The following DLC1 variants were observed in gnomAD, a reference collection of about 807,000 sequenced individuals.
The protein encoded by DLC1 is DLC1 Rho GTPase activating protein, also known as rho GTPase-activating protein 7.
A neutral mutation model predicts 140.3 loss-of-function variants in DLC1; 54 were observed. The observed-to-expected ratio is 0.38, with a 90% CI of 0.31 to 0.48. The LOEUF (loss-of-function observed/expected upper bound fraction) is 0.48, where lower values mean the gene tolerates loss of function less well. Ranked by LOEUF, DLC1 falls within the 20% of genes least tolerant of loss-of-function variation. The pLI, the probability that DLC1 is intolerant of heterozygous loss-of-function variation, is 0.96. For missense variants in DLC1, 2,536 were observed against 1,907.0 expected (o/e 1.33, Z -6.14); for synonymous variants, 986 against 728.1 (o/e 1.35, Z -5.70).
chr8:13,126,335 G>A (rs1191458678), intron 5 of DLC1, among the ~76,000 whole-genome samples: 3 of 149,690 alleles, frequency 2.0e-5, no homozygotes, highest in South Asian at 2.1e-4. Context: ...AAAATAAATC[G>A]CTGCTACAGG....
chr8:13,227,867 G>T (rs886294925), intron 5 of DLC1, among the ~76,000 whole-genome samples: 6 of 152,100 alleles, frequency 3.9e-5, no homozygotes, highest in Non-Finnish European at 8.8e-5. Flanking sequence ...TGGCTTGGTG[G>T]CTCTTATATT....
chr8:13,438,394 C>T (rs289622), intron 2 of DLC1, among the ~76,000 whole-genome samples: 40,398 of 151,984 alleles, frequency 0.27, 7,706 homozygotes, highest in African/African-American at 0.54. Context: ...GGAATTGTCG[C>T]TTGCATTCTT....
At chr8:13,449,248 A>T (rs1043562251) in intron 2 of DLC1, among the ~76,000 whole-genome samples, 1 of 152,160 alleles carries the variant, frequency 6.6e-6, no homozygotes, top group East Asian at 1.9e-4. Context: ...AGATGTGGAG[A>T]TTGGCACACA....
chr8:13,534,018 T>C (rs914181771), intron 1 of DLC1, among the ~76,000 whole-genome samples: 4 of 152,136 alleles, frequency 2.6e-5, no homozygotes, highest in Admixed American at 2.0e-4. Flanking sequence ...TTTATAGCAG[T>C]ATGAAAATGG....
At chr8:13,179,546 C>A (rs1400105931) in intron 5 of DLC1, among the ~76,000 whole-genome samples, 1 of 151,806 alleles carries the variant, frequency 6.6e-6, no homozygotes, top group African/African-American at 2.4e-5. Flanking sequence ...TGTGGAGAAA[C>A]CCTGCCTCAA....
rs1016756619 is a variant in DLC1 at position 13,305,315 on chromosome 8, A to G, written c.1315-13T>C. The G allele has an allele frequency of 6.3e-7, 1 of 1,587,044 alleles. No homozygotes were observed. The highest frequency in any genetic ancestry group is 8.6e-7 in the Non-Finnish European group (1 of 1,169,334). ...TACCTTGAATAGCCTGAAAAAAAAG[A>G]CACAAAAATTGTGGTATTATTAGGA... On this transcript the variant is annotated splice_polypyrimidine_tract_variant and intron_variant, in intron 4 of 17. Transcript: ENST00000276297.
intron 6 of DLC1, among the ~76,000 whole-genome samples, chr8:13,113,264 G>C (rs3736512): frequency 0.41 from 62,915 of 151,990 alleles, 14,073 homozygotes; most frequent in South Asian, 0.57. Flanking sequence ...TGCCAAGTAC[G>C]CAAATCAAGC....
At chr8:13,361,214 G>T (rs978274393) in intron 4 of DLC1, among the ~76,000 whole-genome samples, 10 of 151,994 alleles carry the variant, frequency 6.6e-5, no homozygotes, top group Admixed American at 4.6e-4. Context: ...CCTGGGCGAC[G>T]GAGTGAGACC....
intron 5 of DLC1, among the ~76,000 whole-genome samples, chr8:13,225,536 A>C (rs548052896): frequency 6.6e-6 from 1 of 152,302 alleles, no homozygotes; most frequent in Admixed American, 6.5e-5. Context: ...GCAAAACAGC[A>C]GAGATATGCT....
intron 4 of DLC1, among the ~76,000 whole-genome samples, chr8:13,368,272 T>C (rs1281639449): frequency 2.0e-5 from 3 of 151,990 alleles, no homozygotes; most frequent in African/African-American, 7.2e-5. Flanking sequence ...CCTAGGACAG[T>C]ATATTTTCCA....
chr8:13,566,522 A>G (rs950449127), intron 1 of DLC1, among the ~76,000 whole-genome samples: 9 of 152,188 alleles, frequency 5.9e-5, no homozygotes, highest in African/African-American at 1.2e-4. Context: ...TTGCTTGTGC[A>G]TCTTGTCCAG....
intron 1 of DLC1, among the ~76,000 whole-genome samples, chr8:13,554,748 C>A (rs78498989): frequency 6.6e-6 from 1 of 152,290 alleles, no homozygotes; most frequent in Admixed American, 6.5e-5. Flanking sequence ...TTTGCTTCTG[C>A]CTTTATGCTC....
chr8:13,098,131 G>T (rs538455274), intron 10 of DLC1, among the ~76,000 whole-genome samples: 1 of 151,950 alleles, frequency 6.6e-6, no homozygotes, highest in East Asian at 1.9e-4. Flanking sequence ...AGCCTCAGGT[G>T]GGAGAATCGC....
At chr8:13,450,131 A>G (rs1279142656) in intron 2 of DLC1, among the ~76,000 whole-genome samples, 1 of 152,142 alleles carries the variant, frequency 6.6e-6, no homozygotes, top group East Asian at 1.9e-4. Context: ...AAATAAATTT[A>G]TTGAGTAAAA....
intron 2 of DLC1, among the ~76,000 whole-genome samples, chr8:13,416,489 G>C (rs1174501021): frequency 6.6e-6 from 1 of 152,104 alleles, no homozygotes; most frequent in Non-Finnish European, 1.5e-5. Context: ...GGCCACTTTG[G>C]ATGATTCAGG....
Position 13,233,297 on chromosome 8 carries a change from A to T in DLC1, c.1348+71972T>A, listed in dbSNP as rs1390807350. Among the ~76,000 whole-genome samples the T allele has an allele frequency of 5.9e-4, 18 of 30,624 alleles. 1 individual carries two copies. Among genetic ancestry groups the T allele is most frequent in the South Asian group, 8.7e-4 (1 of 1,146 alleles). The allele number at this position is 30,624 out of a possible 152,430, so 20.1% of individuals were successfully genotyped here. A position where few individuals can be genotyped will look rare whatever the true frequency, so the allele number is the denominator to read the frequency against. ...GCGATAGAATAAGACTCTGTATAAA[A>T]AAAAAAAAAAAAAAAAAAAAAAAAA... is the stretch of plus-strand genomic sequence containing the variant. On this transcript the variant is annotated intron_variant, in intron 5 of 17. Coordinates refer to ENST00000276297, the MANE Select transcript of DLC1 (RefSeq NM_182643.3).
At position 13,090,436 on chromosome 8, in the gene DLC1, T is replaced by C. The variant is rs1817956320; in HGVS notation, c.3890A>G (p.Tyr1297Cys). The C allele has an allele frequency of 6.2e-7, 1 of 1,614,138 alleles. No individual in the cohort carries two copies. Among genetic ancestry groups the C allele is most frequent in the Non-Finnish European group, 8.5e-7 (1 of 1,180,040 alleles). Reference sequence around the variant, plus strand: ...GAGGGGCTTCAGCTCTTGTTCGGTATAGGAATTACGACATCGGCTCATTTC... The same window carrying C: ...GAGGGGCTTCAGCTCTTGTTCGGTACAGGAATTACGACATCGGCTCATTTC... ...PEEMSRCRNS[Y>C]TEQELKPLTL... is the part of the protein sequence containing the mutation. Residue 1297 changes from tyrosine (Y) to cysteine (C), a missense_variant, in exon 15 of 18, where the codon TAT becomes TGT. Transcript: ENST00000276297.
intron 1 of DLC1, among the ~76,000 whole-genome samples, chr8:13,540,775 T>C (rs1255560628): frequency 6.6e-6 from 1 of 152,214 alleles, no homozygotes; most frequent in Admixed American, 6.5e-5. Flanking sequence ...ATCACTCATC[T>C]GGGGATTTGT....
chr8:13,524,440 A>G (rs991911445), intron 1 of DLC1, among the ~76,000 whole-genome samples: 5 of 152,102 alleles, frequency 3.3e-5, no homozygotes, highest in African/African-American at 9.7e-5. Flanking sequence ...TTCTATTAAA[A>G]CAAATTGTTT....
Sources: allele counts gnomAD v4.1 joint callset (sites outside exome capture counted in the v4.1 genomes callset), GRCh38; gene constraint gnomAD v4.1.1; transcripts MANE v1.5; gene names NCBI Gene and HGNC (gene_info 2026-07-23, HGNC 2026-07-21).